The following CCPG1 variants were observed in gnomAD, a reference collection of about 807,000 sequenced individuals.
CCPG1 encodes the protein cell cycle progression 1, also known as cell cycle progression protein 1.
In CCPG1, 46 loss-of-function variants were observed where a neutral mutation model predicts 81.3. The observed-to-expected ratio is 0.57, with a 90% confidence interval of 0.45 to 0.72. The LOEUF (loss-of-function observed/expected upper bound fraction) is 0.72. Ranked by LOEUF, CCPG1 falls within the 30% of genes least tolerant of loss-of-function variation. The pLI is 0.00. For missense variants in CCPG1, 902 were observed against 937.6 expected, an observed-to-expected ratio of 0.96 and a Z score of 0.50; for synonymous variants, 330 against 305.2, an observed-to-expected ratio of 1.08 and a Z score of -0.85.
intron 2 of CCPG1, among the ~76,000 whole-genome samples, chr15:55,386,712 G>A (rs1421281744): frequency 3.3e-5 from 5 of 151,638 alleles, no homozygotes; most frequent in Non-Finnish European, 1.5e-5. Context: ...GGCTAACACG[G>A]TGAAACCCCA....
chr15:55,407,040 C>G (rs1312704516), intron 1 of CCPG1, among the ~76,000 whole-genome samples: 31 of 132,634 alleles, frequency 2.3e-4, no homozygotes, highest in Admixed American at 1.2e-3. Flanking sequence ...CGTTGAGACC[C>G]CCCCCCCCGC....
At chr15:55,390,482 G>C (rs2056892884) in intron 1 of CCPG1, among the ~76,000 whole-genome samples, 1 of 152,158 alleles carries the variant, frequency 6.6e-6, no homozygotes, top group Non-Finnish European at 1.5e-5. Context: ...TTATGCTTCT[G>C]TTATTGGACA....
At chr15:55,389,209 A>T (rs1047157346) in intron 2 of CCPG1, among the ~76,000 whole-genome samples, 156 bp downstream of exon 2, 1 of 152,198 alleles carries the variant, frequency 6.6e-6, no homozygotes, top group Non-Finnish European at 1.5e-5. Flanking sequence ...TGGCTCATGA[A>T]GCGTTTTCAG....
chr15:55,371,698 A>G (rs368534558), intron 6 of CCPG1, 95 bp downstream of exon 6: 1 of 1,274,688 alleles, frequency 7.8e-7, no homozygotes, highest in East Asian at 2.4e-5. Flanking sequence ...CACACATTTA[A>G]TAATGGCACT....
In CCPG1 at chr15:55,355,386, A is replaced by G. The variant is rs776068686; in HGVS notation, c.*834T>C. 2.2e-5 allele frequency: 36 copies of G among 1,610,994 alleles called. No homozygotes were observed. The highest frequency in any genetic ancestry group is 3.1e-5 in the Non-Finnish European group (36 of 1,178,254). On this transcript the variant is annotated 3_prime_UTR_variant, in exon 9 of 9. Coordinates refer to ENST00000442196, the MANE Select transcript of CCPG1 (RefSeq NM_001204450.2). ...CGAATTGGAAGTCACATATATGTCTATGAACGGAAGTTAAAAGGGAAATTC... is the reference window on the plus strand; with the variant it reads ...CGAATTGGAAGTCACATATATGTCTGTGAACGGAAGTTAAAAGGGAAATTC...
intron 6 of CCPG1, among the ~76,000 whole-genome samples, chr15:55,370,885 GAA>G (rs1210551702): frequency 0.24 from 23,057 of 94,568 alleles, 3,574 homozygotes; most frequent in African/African-American, 0.48. Context: ...CAAAAAAAAA[GAA>G]AAAAAAAAAA....
At chr15:55,403,095 A>C (rs1013958789) in intron 1 of CCPG1, among the ~76,000 whole-genome samples, 1 of 152,198 alleles carries the variant, frequency 6.6e-6, no homozygotes, top group Non-Finnish European at 1.5e-5. Flanking sequence ...CTTCAAACAT[A>C]TAAGTGCTTT....
intron 1 of CCPG1, among the ~76,000 whole-genome samples, chr15:55,402,631 G>A (rs2057148786): frequency 6.6e-6 from 1 of 152,140 alleles, no homozygotes; most frequent in Non-Finnish European, 1.5e-5. Context: ...CATAGCCAGA[G>A]ATAACTTCCC....
intron 1 of CCPG1, among the ~76,000 whole-genome samples, chr15:55,395,964 G>A (rs1262117131): frequency 6.6e-6 from 1 of 151,970 alleles, no homozygotes; most frequent in African/African-American, 2.4e-5. Context: ...GACCAACCTG[G>A]CCAACATAGT....
At chr15:55,389,220 C>A (rs1008558543) in intron 2 of CCPG1, 145 bp downstream of exon 2, 10 of 620,084 alleles carry the variant, frequency 1.6e-5, no homozygotes, top group Admixed American at 2.8e-5. Flanking sequence ...GCGTTTTCAG[C>A]AGTGAAGTTT....
At chr15:55,377,899 T>C (rs981694701) in intron 4 of CCPG1, among the ~76,000 whole-genome samples, 4 of 107,686 alleles carry the variant, frequency 3.7e-5, no homozygotes, top group African/African-American at 1.8e-4. Flanking sequence ...ATCAGGTATT[T>C]TGTCAGATCA....
intron 1 of CCPG1, among the ~76,000 whole-genome samples, chr15:55,396,234 T>C (rs1350809484): frequency 1.3e-5 from 2 of 151,678 alleles, no homozygotes; most frequent in African/African-American, 2.4e-5. Context: ...CATTGGTAAA[T>C]GTATAAACCC....
At chr15:55,365,448 T>A in intron 6 of CCPG1, 139 bp from the exon 7 acceptor site, 1 of 592,968 alleles carries the variant, frequency 1.7e-6, no homozygotes, top group East Asian at 3.2e-5. Flanking sequence ...TTTTTGTTTT[T>A]TGAGAAGAGT....
At chr15:55,375,388 G>A (rs2056543994) in intron 5 of CCPG1, among the ~76,000 whole-genome samples, 1 of 152,058 alleles carries the variant, frequency 6.6e-6, no homozygotes, top group Non-Finnish European at 1.5e-5. Context: ...ACCAGAGGCA[G>A]GAAAGGAAGC....
chr15:55,391,848 T>G, intron 1 of CCPG1, among the ~76,000 whole-genome samples: 1 of 115,214 alleles, frequency 8.7e-6, no homozygotes, highest in African/African-American at 3.3e-5. Flanking sequence ...CCAGACTGGG[T>G]AATACAGTGA....
chr15:55,389,132 C>T (rs898227729), intron 2 of CCPG1, among the ~76,000 whole-genome samples: 2 of 136,474 alleles, frequency 1.5e-5, no homozygotes, highest in Non-Finnish European at 3.2e-5. Flanking sequence ...AGGGCCTGAA[C>T]AATAACAAAC....
intron 3 of CCPG1, among the ~76,000 whole-genome samples, chr15:55,383,843 A>G (rs557406678): frequency 6.6e-6 from 1 of 152,296 alleles, no homozygotes; most frequent in South Asian, 2.1e-4. Flanking sequence ...GGCTTAAGGG[A>G]ATTTTGTGGC....
At chr15:55,392,552 G>T (rs545678212) in intron 1 of CCPG1, among the ~76,000 whole-genome samples, 1 of 150,320 alleles carries the variant, frequency 6.7e-6, no homozygotes, top group Non-Finnish European at 1.5e-5. Flanking sequence ...ACAGGATTTC[G>T]CTTTGTCACC....
At chr15:55,394,530 T>C (rs1022352804) in intron 1 of CCPG1, among the ~76,000 whole-genome samples, 1 of 152,058 alleles carries the variant, frequency 6.6e-6, no homozygotes, top group African/African-American at 2.4e-5. Flanking sequence ...CAAAAAAAAG[T>C]AAAATACATT....
Sources: allele counts gnomAD v4.1 joint callset (sites outside exome capture counted in the v4.1 genomes callset), GRCh38; gene constraint gnomAD v4.1.1; transcripts MANE v1.5; gene names NCBI Gene and HGNC (gene_info 2026-07-23, HGNC 2026-07-21).